Variants in SPMIP6 observed in about 807,000 individuals in gnomAD.
SPMIP6 encodes sperm microtubule inner protein 6.
chr9:34,389,404 C>T, the SPMIP6 span, among the ~76,000 whole-genome samples: 5 of 152,186 alleles, frequency 3.3e-5, no homozygotes, highest in African/African-American at 1.2e-4. Flanking sequence ...GATAACTCAT[C>T]TTCTTTAAGT....
the SPMIP6 span, chr9:34,382,836 T>TC: frequency 6.2e-7 from 1 of 1,614,108 alleles, no homozygotes; most frequent in South Asian, 1.1e-5. Context: ...GTTGTACCAG[T>TC]CACTGCCCAG....
the SPMIP6 span, among the ~76,000 whole-genome samples, chr9:34,395,266 T>A: frequency 6.6e-6 from 1 of 152,188 alleles, no homozygotes; most frequent in Admixed American, 6.5e-5. Flanking sequence ...CATGCCTGGC[T>A]TTTCCTTCAT....
the SPMIP6 span, chr9:34,379,884 T>G: frequency 8.3e-6 from 5 of 600,940 alleles, no homozygotes; most frequent in Non-Finnish European, 1.5e-5. This position sits in a 1 kb window ranked among gnomAD's most constrained non-coding sequence, Gnocchi z 4.2. Flanking sequence ...AAACCCCCAC[T>G]GCAGCACCGA....
the SPMIP6 span, among the ~76,000 whole-genome samples, chr9:34,380,390 C>T: frequency 1.3e-5 from 2 of 152,178 alleles, no homozygotes; most frequent in Admixed American, 6.5e-5. Flanking sequence ...GTAAAGTGGT[C>T]ACCATTTCCC....
chr9:34,380,853 T>C, the SPMIP6 span: 14 of 1,527,226 alleles, frequency 9.2e-6, 1 homozygote, highest in East Asian at 7.2e-5. Flanking sequence ...GGGCGGGGCT[T>C]GTGTGGGGTG....
the SPMIP6 span, chr9:34,397,727 C>T: frequency 1.5e-6 from 2 of 1,340,664 alleles, no homozygotes; most frequent in African/African-American, 1.5e-5. Flanking sequence ...GCCACACCTC[C>T]AGCCTGGCAG....
At chr9:34,390,143 T>C in the SPMIP6 span, 1 of 152,154 alleles carries the variant, frequency 6.6e-6, no homozygotes, top group African/African-American at 2.4e-5. Context: ...TTTTACTTTT[T>C]TTTTTGTGGT....
At chr9:34,389,174 T>C in the SPMIP6 span, among the ~76,000 whole-genome samples, 2 of 152,034 alleles carry the variant, frequency 1.3e-5, no homozygotes, top group Non-Finnish European at 2.9e-5. Context: ...TGAGCTCAAG[T>C]GATCCTCCTG....
chr9:34,382,590 A>AG, the SPMIP6 span: 1 of 620,140 alleles, frequency 1.6e-6, no homozygotes, highest in East Asian at 2.8e-5. Flanking sequence ...ATCTAAAAAA[A>AG]AAAAAAAATA....
At chr9:34,385,885 G>T in the SPMIP6 span, 2 of 1,220,896 alleles carry the variant, frequency 1.6e-6, no homozygotes, top group Non-Finnish European at 2.3e-6. Context: ...CAGCCCAGGT[G>T]GGTCTCCCAA....
At chr9:34,382,136 G>T in the SPMIP6 span, among the ~76,000 whole-genome samples, 1 of 152,162 alleles carries the variant, frequency 6.6e-6, no homozygotes, top group Admixed American at 6.5e-5. Flanking sequence ...GGGCCAGCTG[G>T]CAAGCTTCGG....
chr9:34,381,000 A>G, the SPMIP6 span: 1 of 1,609,820 alleles, frequency 6.2e-7, no homozygotes, highest in Non-Finnish European at 8.5e-7. Context: ...TGGCGGCCCG[A>G]GCAAGCACTT....
the SPMIP6 span, among the ~76,000 whole-genome samples, chr9:34,388,706 C>T: frequency 2.6e-5 from 4 of 152,104 alleles, no homozygotes; most frequent in Admixed American, 2.6e-4. Flanking sequence ...CCTTCTCACT[C>T]TCCTTGTGAG....
At chr9:34,391,462 G>C in the SPMIP6 span, among the ~76,000 whole-genome samples, 2 of 152,066 alleles carry the variant, frequency 1.3e-5, no homozygotes, top group Non-Finnish European at 2.9e-5. Flanking sequence ...CCCATAAGTT[G>C]TTAAGTCTGA....
At chr9:34,390,806 A>C in the SPMIP6 span, among the ~76,000 whole-genome samples, 1 of 152,098 alleles carries the variant, frequency 6.6e-6, no homozygotes, top group East Asian at 1.9e-4. Context: ...TTTTTTGTAG[A>C]GACGGGGGTC....
At chr9:34,394,168 T>G in the SPMIP6 span, among the ~76,000 whole-genome samples, 1 of 152,122 alleles carries the variant, frequency 6.6e-6, no homozygotes, top group Non-Finnish European at 1.5e-5. Context: ...TATATTATTA[T>G]TTTTTGAGAT....
the SPMIP6 span, chr9:34,381,004 A>G: frequency 4.3e-6 from 7 of 1,610,696 alleles, no homozygotes; most frequent in African/African-American, 9.3e-5. The surrounding 1 kb of genome is among the most constrained non-coding windows in gnomAD (Gnocchi z 4.4). Flanking sequence ...GGCCCGAGCA[A>G]GCACTTTCGT....
the SPMIP6 span, chr9:34,379,066 A>C: frequency 6.6e-7 from 1 of 1,524,042 alleles, no homozygotes; most frequent in South Asian, 1.1e-5. This position sits in a 1 kb window ranked among gnomAD's most constrained non-coding sequence, Gnocchi z 4.2. Flanking sequence ...TGGCACAGCA[A>C]GCCCAGGCTC....
the SPMIP6 span, among the ~76,000 whole-genome samples, chr9:34,380,128 G>C: frequency 6.6e-6 from 1 of 152,146 alleles, no homozygotes; most frequent in Non-Finnish European, 1.5e-5. Context: ...ATAAGACTCA[G>C]TCTTGCACAA....
Sources: gnomAD v4.1 joint callset for allele counts (sites outside exome capture counted in the v4.1 genomes callset) on GRCh38, gnomAD v4.1.1 for gene constraint, Gnocchi (gnomAD v3.1) non-coding constraint, MANE v1.5 for transcripts, NCBI Gene and HGNC (gene_info 2026-07-23, HGNC 2026-07-21) for gene names.